Variants in MRAP observed in about 807,000 individuals in gnomAD.
MRAP encodes melanocortin-2 receptor accessory protein.
In MRAP, 8 loss-of-function variants were observed where a neutral mutation model predicts 8.7. The observed-to-expected ratio is 0.92, with a 90% CI of 0.54 to 1.66. The LOEUF is 1.66. Among genes scored for constraint, MRAP ranks in the 40% most tolerant of loss-of-function variants. The probability of loss-of-function intolerance (pLI) is 0.00; values close to 1 mark genes in which losing one functional copy is unlikely to be tolerated. For missense variants in MRAP, 237 were observed against 217.1 expected (o/e 1.09, Z -0.58); for synonymous variants, 95 against 95.5 (o/e 1.00, Z 0.03).
At chr21:32,297,565 T>G (rs1239364022), upstream of MRAP, among the ~76,000 whole-genome samples, 1 of 152,176 alleles carries the variant, frequency 6.6e-6, no homozygotes, top group Admixed American at 6.5e-5. Context: ...AGTTGTATTC[T>G]TTTATGACAA....
chr21:32,305,579 C>T (rs1399540374), intron 1 of MRAP, among the ~76,000 whole-genome samples: 1 of 152,130 alleles, frequency 6.6e-6, no homozygotes, highest in Non-Finnish European at 1.5e-5. Context: ...GGGGAGTTAG[C>T]AATTTCTAAT....
intron 1 of MRAP, among the ~76,000 whole-genome samples, chr21:32,302,030 T>C (rs2032308548): frequency 6.6e-6 from 1 of 152,238 alleles, no homozygotes; most frequent in African/African-American, 2.4e-5. Context: ...AGAATGTGTA[T>C]CTGTAAATGA....
At chr21:32,298,747 G>T, upstream of MRAP, 1 of 501,544 alleles carries the variant, frequency 2.0e-6, no homozygotes, top group Non-Finnish European at 3.7e-6. Flanking sequence ...ATCAAGAAGG[G>T]GCAGATGGGA....
intron 2 of MRAP, among the ~76,000 whole-genome samples, chr21:32,310,668 G>C (rs956427967): frequency 2.0e-5 from 3 of 149,006 alleles, no homozygotes; most frequent in Non-Finnish European, 4.4e-5. Context: ...TTTTTTTTGA[G>C]ACTGAGTCTT....
chr21:32,301,252 A>G (rs1362508392), intron 1 of MRAP, among the ~76,000 whole-genome samples: 1 of 152,126 alleles, frequency 6.6e-6, no homozygotes, highest in African/African-American at 2.4e-5. Flanking sequence ...GTGAGCCACC[A>G]CGCCTGGCCC....
At chr21:32,300,650 G>GCGTCCTATGTCA (rs2032248772) in intron 1 of MRAP, among the ~76,000 whole-genome samples, 1 of 21,130 alleles carries the variant, frequency 4.7e-5, no homozygotes, top group Non-Finnish European at 1.3e-4. Flanking sequence ...GTCCTATGCC[G>GCGTCCTATGTCA]GGGGCGTCAC....
At chr21:32,299,746 A>G (rs114446841) in intron 1 of MRAP, among the ~76,000 whole-genome samples, 1,743 of 152,302 alleles carry the variant, frequency 0.011, 31 homozygotes, top group African/African-American at 0.039. Context: ...TAGATTTGGG[A>G]CAGTTATTCT....
At chr21:32,313,816 A>C (rs545733597), downstream of MRAP, 1 of 152,302 alleles carries the variant, frequency 6.6e-6, no homozygotes, top group Admixed American at 6.5e-5. Context: ...AAAACCACGA[A>C]ATTTCATGAC....
Position 32,298,945 on chromosome 21 carries a change from G to A in MRAP, c.-27G>A, listed in dbSNP as rs377494348. On this transcript the variant is annotated 5_prime_UTR_variant, in exon 1 of 3. Transcript: ENST00000303645. ...TGGCTCGAGGCGAGGCTGCCGGCCCGGACGCTGACTGCCCAGTGCCACAGA... is the reference window on the plus strand; with the variant it reads ...TGGCTCGAGGCGAGGCTGCCGGCCCAGACGCTGACTGCCCAGTGCCACAGA... 86 of 1,574,330 alleles carry A rather than the reference G, an allele frequency of 5.5e-5. No individual in the cohort carries two copies. The highest frequency in any genetic ancestry group is 1.3e-4 in the African/African-American group (10 of 74,112).
chr21:32,310,637 A>C (rs1301856052), intron 2 of MRAP, among the ~76,000 whole-genome samples: 3 of 149,438 alleles, frequency 2.0e-5, no homozygotes, highest in African/African-American at 7.4e-5. Context: ...CAGGGAGGAC[A>C]CATTTCTTTT....
intron 1 of MRAP, among the ~76,000 whole-genome samples, chr21:32,300,649 C>T (rs879847619): frequency 6.1e-5 from 9 of 147,448 alleles, no homozygotes; most frequent in East Asian, 2.1e-4. Flanking sequence ...CGTCCTATGC[C>T]GGGGGCGTCA....
chr21:32,304,627 CAAACA>C (rs1019476640), intron 1 of MRAP, among the ~76,000 whole-genome samples: 7 of 134,274 alleles, frequency 5.2e-5, no homozygotes, highest in African/African-American at 1.7e-4. Flanking sequence ...CAAAAAAAAA[CAAACA>C]AAAAACAAAA....
chr21:32,291,928 A>G (rs1194762437), intron 1 of MRAP: 1 of 152,192 alleles, frequency 6.6e-6, no homozygotes, highest in African/African-American at 2.4e-5. Flanking sequence ...GTTTATTAGA[A>G]AGAGAGAGAG....
At chr21:32,306,557 A>G (rs2032421480) in intron 1 of MRAP, 83 bp from the exon 2 acceptor site, 1 of 1,146,308 alleles carries the variant, frequency 8.7e-7, no homozygotes. Context: ...TCATTCCACA[A>G]TACCCTGGGA....
At chr21:32,303,801 AGAAG>A (rs1388639950) in intron 1 of MRAP, among the ~76,000 whole-genome samples, 2 of 152,272 alleles carry the variant, frequency 1.3e-5, no homozygotes, top group East Asian at 1.9e-4. Flanking sequence ...GTGAACCTTC[AGAAG>A]GAAGAGGAAA....
At chr21:32,296,132 C>T (rs887521503), upstream of MRAP, among the ~76,000 whole-genome samples, 1 of 152,212 alleles carries the variant, frequency 6.6e-6, no homozygotes, top group Non-Finnish European at 1.5e-5. Context: ...TGTGTCTTCA[C>T]ATCATCTTCT....
At chr21:32,299,100 G>A (rs780467532) in intron 1 of MRAP, 23 bp downstream of exon 1, 52 of 1,596,916 alleles carry the variant, frequency 3.3e-5, no homozygotes, top group East Asian at 8.9e-5. Context: ...TAGGGAAGCC[G>A]GTCAGACAGA....
chr21:32,306,612 C>A (rs755852895), intron 1 of MRAP, 28 bp from the exon 2 acceptor site: 1 of 1,597,060 alleles, frequency 6.3e-7, no homozygotes, highest in African/African-American at 1.3e-5. Flanking sequence ...CATAACCCAG[C>A]GCTGAGATGC....
At chr21:32,304,193 C>T (rs188140043) in intron 1 of MRAP, among the ~76,000 whole-genome samples, 4 of 152,312 alleles carry the variant, frequency 2.6e-5, no homozygotes, top group Admixed American at 1.3e-4. Flanking sequence ...AACTTCCAAT[C>T]CCATTTTCTG....
Sources: allele counts gnomAD v4.1 joint callset (sites outside exome capture counted in the v4.1 genomes callset), GRCh38; gene constraint gnomAD v4.1.1; transcripts MANE v1.5; gene names NCBI Gene and HGNC (gene_info 2026-07-23, HGNC 2026-07-21).